The following CD84 variants were observed in gnomAD, a reference collection of about 807,000 sequenced individuals.
CD84 encodes the protein SLAM family member 5.
CD84 carries 22 observed loss-of-function variants against 33.8 expected under a neutral mutation model. The ratio of observed to expected loss-of-function variants is 0.65; its 90% CI spans 0.46 to 0.93. The LOEUF is 0.93. Ranked by LOEUF, CD84 falls within the 40% of genes least tolerant of loss-of-function variation. CD84 has a pLI of 0.00. For synonymous variants in CD84, 154 were observed against 145.2 expected (o/e 1.06, Z -0.44); for missense variants, 400 against 397.6 (o/e 1.01, Z -0.05).
intron 1 of CD84, among the ~76,000 whole-genome samples, chr1:160,577,673 T>C (rs116302019): frequency 0.013 from 1,916 of 152,240 alleles, 48 homozygotes; most frequent in African/African-American, 0.044. Flanking sequence ...TAATAATGAA[T>C]GAAAAGCGAG....
chr1:160,546,966 C>A lies in CD84; in HGVS notation c.*1290G>T, dbSNP rs888304292. The A allele has an allele frequency of 1.0e-5, 4 of 395,214 alleles. No homozygotes were observed. The highest frequency in any genetic ancestry group is 8.2e-5 in the African/African-American group (4 of 48,558). The allele number at this position is 395,214 out of a possible 1,614,324, so 24.5% of individuals were successfully genotyped here. ...TGCCTAATTGCAGCCCATTGCTGTCCAGCCTAGGACTATTCATTGGGATTT... is the reference window on the plus strand; with the variant it reads ...TGCCTAATTGCAGCCCATTGCTGTCAAGCCTAGGACTATTCATTGGGATTT... On this transcript the variant is annotated 3_prime_UTR_variant, in exon 7 of 7. Coordinates refer to ENST00000368054, the MANE Select transcript of CD84 (RefSeq NM_003874.4).
At position 160,544,730 on chromosome 1, in the gene CD84, A is replaced by C. The variant is rs1376255548; in HGVS notation, c.*3526T>G. On this transcript the variant is annotated 3_prime_UTR_variant, in exon 7 of 7. Transcript: ENST00000368054. ...TTACAGTGTTCTACAGATTTTTTAA[A>C]TCATATTTTAAACAAGCTTCACTTT... is the stretch of plus-strand genomic sequence containing the variant. 1 of 152,136 alleles carries C rather than the reference A, an allele frequency of 6.6e-6. No homozygotes were observed. Among genetic ancestry groups the C allele is most frequent in the Non-Finnish European group, 1.5e-5 (1 of 68,042 alleles). 9.4% of individuals were successfully genotyped at this position (152,136 alleles called of 1,614,324 possible). A position where few individuals can be genotyped will look rare whatever the true frequency, so the allele number is the denominator to read the frequency against.
rs377311585 is a variant in CD84, at chr1:160,553,479, C to A, written c.659G>T (p.Arg220Leu). The A allele has an allele frequency of 1.2e-6, 2 of 1,613,870 alleles. No homozygotes were observed. Among genetic ancestry groups the A allele is most frequent in the African/African-American group, 2.7e-5 (2 of 74,870 alleles). Reference sequence around the variant, plus strand: ...GCTCAGCAACCCGGTGTGGTGAGTACGGAAGCCCATTGCGATGTCTGGAAA... The same window carrying A: ...GCTCAGCAACCCGGTGTGGTGAGTAAGGAAGCCCATTGCGATGTCTGGAAA... ...QLCADIAMGFRTHHTGLLSVL... is the reference protein window; with the variant it reads ...QLCADIAMGFLTHHTGLLSVL... The change falls in exon 4 of 7, where the codon CGT becomes CTT. Residue 220 changes from arginine to leucine, a missense_variant. Transcript: ENST00000368054.
chr1:160,557,851 G>A (rs1276899349), intron 2 of CD84, among the ~76,000 whole-genome samples: 2 of 152,168 alleles, frequency 1.3e-5, no homozygotes, highest in Non-Finnish European at 2.9e-5. Flanking sequence ...TCTGGAGGAG[G>A]AAGGGTCCCC....
rs376462118 is a variant in CD84, at chr1:160,553,489, T to C, written c.649A>G (p.Met217Val). The C allele has an allele frequency of 3.8e-5, 62 of 1,613,952 alleles. No individual in the cohort carries two copies. The highest frequency in any genetic ancestry group is 5.1e-5 in the Non-Finnish European group (60 of 1,180,010). Reference sequence around the variant, plus strand: ...CCGGTGTGGTGAGTACGGAAGCCCATTGCGATGTCTGGAAATAGAAGATGC... The same window carrying C: ...CCGGTGTGGTGAGTACGGAAGCCCACTGCGATGTCTGGAAATAGAAGATGC... The part of the protein sequence containing the change: ...SARQLCADIA[M>V]GFRTHHTGLL... Residue 217 changes from methionine to valine, a missense_variant, in exon 4 of 7, where the codon ATG becomes GTG. Transcript: ENST00000368054.
In CD84 at chr1:160,547,956, G is replaced by A. The variant is rs1655931201; in HGVS notation, c.*300C>T. 1 of 389,680 alleles carries A rather than the reference G, an allele frequency of 2.6e-6. No individual in the cohort carries two copies. The highest frequency in any genetic ancestry group is 2.5e-5 in the South Asian group (1 of 39,282). 24.1% of individuals were successfully genotyped at this position (389,680 alleles called of 1,614,324 possible). A position where few individuals can be genotyped will look rare whatever the true frequency, so the allele number is the denominator to read the frequency against. ...AGCAATCTTGCTTGTTTATCCCAGT[G>A]TGCCATAAAAATATTATTTTCTACA... is the stretch of plus-strand genomic sequence containing the variant. On this transcript the variant is annotated 3_prime_UTR_variant, in exon 7 of 7. Transcript: ENST00000368054.
intron 1 of CD84, among the ~76,000 whole-genome samples, chr1:160,575,409 T>A (rs1228248267): frequency 6.6e-6 from 1 of 152,014 alleles, no homozygotes; most frequent in Non-Finnish European, 1.5e-5. Context: ...ACTACCCCCA[T>A]GCAATAGTAC....
At position 160,565,731 on chromosome 1, in the gene CD84, C is replaced by T. The variant is rs1287170037; in HGVS notation, c.61G>A (p.Gly21Arg). Reference protein sequence around the residue: ...LCLQTWPEAAGKDSEIFTVNG... With the variant: ...LCLQTWPEAARKDSEIFTVNG... ...ACTGTGAAGATTTCTGAGTCTTTTC[C>T]AGCTGCTTCCGGCCCTGAGAACATA... Residue 21 changes from glycine to arginine, a missense_variant, in exon 2 of 7, where the codon GGA becomes AGA. By Grantham distance (125) the Gly-to-Arg change is moderately radical (BLOSUM62 -2). Coordinates refer to ENST00000368054, the MANE Select transcript of CD84 (RefSeq NM_003874.4). 1 of 1,607,158 alleles carries T rather than the reference C, an allele frequency of 6.2e-7. No homozygotes were observed. Among genetic ancestry groups the T allele is most frequent in the Admixed American group, 1.7e-5 (1 of 59,024 alleles).
intron 1 of CD84, among the ~76,000 whole-genome samples, chr1:160,575,883 C>A (rs185916748): frequency 6.6e-6 from 1 of 152,310 alleles, no homozygotes; most frequent in African/African-American, 2.4e-5. Flanking sequence ...GCACTTGGAG[C>A]TGACAAGGTA....
intron 4 of CD84, 58 bp from the exon 5 acceptor site, chr1:160,551,093 A>T (rs759827952): frequency 2.5e-6 from 3 of 1,198,460 alleles, no homozygotes; most frequent in Non-Finnish European, 3.7e-6. Flanking sequence ...TTTAGCAATG[A>T]TCTATTCCAA....
intron 1 of CD84, among the ~76,000 whole-genome samples, chr1:160,573,440 G>C (rs1286025349): frequency 6.6e-6 from 1 of 152,048 alleles, no homozygotes; most frequent in Non-Finnish European, 1.5e-5. Context: ...TCACTACTAG[G>C]CTCTGCCTGA....
At chr1:160,566,540 A>G (rs1571375468) in intron 1 of CD84, among the ~76,000 whole-genome samples, 1 of 152,190 alleles carries the variant, frequency 6.6e-6, no homozygotes, top group Non-Finnish European at 1.5e-5. Context: ...AATTTAATTT[A>G]TAATGTAAGT....
intron 4 of CD84, 158 bp downstream of exon 4, chr1:160,553,220 T>C: frequency 8.4e-7 from 1 of 1,185,520 alleles, no homozygotes; most frequent in Non-Finnish European, 1.2e-6. Context: ...TGTCATACCA[T>C]CCTCAGAGCC....
At chr1:160,578,005 A>G (rs1001052691) in intron 1 of CD84, among the ~76,000 whole-genome samples, 77 of 152,308 alleles carry the variant, frequency 5.1e-4, no homozygotes, top group African/African-American at 1.8e-3. Flanking sequence ...GAAAGCAATG[A>G]GTGAAGAGGT....
chr1:160,579,089 T>C (rs1262617217), intron 1 of CD84, among the ~76,000 whole-genome samples: 1 of 152,128 alleles, frequency 6.6e-6, no homozygotes, highest in Non-Finnish European at 1.5e-5. Flanking sequence ...TGCCAGGCTT[T>C]TTGGGTGGGT....
intron 2 of CD84, among the ~76,000 whole-genome samples, chr1:160,558,257 G>A (rs1451805632): frequency 6.6e-6 from 1 of 152,164 alleles, no homozygotes; most frequent in Non-Finnish European, 1.5e-5. Context: ...TACACCCCTG[G>A]GATGGAGCTT....
At chr1:160,576,975 G>A (rs1048012721) in intron 1 of CD84, among the ~76,000 whole-genome samples, 2 of 152,088 alleles carry the variant, frequency 1.3e-5, no homozygotes, top group Non-Finnish European at 2.9e-5. Flanking sequence ...TGTAGAGGGG[G>A]TGGGCAAGGA....
At chr1:160,553,235 T>C (rs996456855) in intron 4 of CD84, 143 bp downstream of exon 4, 3 of 1,305,256 alleles carry the variant, frequency 2.3e-6, no homozygotes, top group African/African-American at 2.9e-5. Context: ...AGAGCCATCA[T>C]TCTGGGAGGT....
At chr1:160,573,320 G>T (rs1309605308) in intron 1 of CD84, among the ~76,000 whole-genome samples, 1 of 152,038 alleles carries the variant, frequency 6.6e-6, no homozygotes, top group African/African-American at 2.4e-5. Flanking sequence ...ACAATGGAGA[G>T]GTTATATAGA....
Sources: gnomAD v4.1 joint callset for allele counts (sites outside exome capture counted in the v4.1 genomes callset) on GRCh38, gnomAD v4.1.1 for gene constraint, MANE v1.5 for transcripts, NCBI Gene and HGNC (gene_info 2026-07-23, HGNC 2026-07-21) for gene names.